PPM1A: variants seen among roughly 807,000 people sequenced by gnomAD.
The protein encoded by PPM1A is protein phosphatase 1A.
A neutral mutation model predicts 35.0 loss-of-function variants in PPM1A; 7 were observed. The ratio of observed to expected loss-of-function variants is 0.20; its 90% confidence interval spans 0.11 to 0.38. The LOEUF is 0.38. Among genes scored for constraint, PPM1A ranks in the 10% least tolerant of loss-of-function variants. PPM1A has a pLI of 1.00. For synonymous variants in PPM1A, 153 were observed against 167.3 expected, an observed-to-expected ratio of 0.91 and a Z score of 0.66; for missense variants, 239 against 467.8, an observed-to-expected ratio of 0.51 and a Z score of 4.51.
intron 1 of PPM1A, among the ~76,000 whole-genome samples, chr14:60,265,921 T>C (rs916321473): frequency 6.6e-6 from 1 of 152,216 alleles, no homozygotes; most frequent in African/African-American, 2.4e-5. Flanking sequence ...GACAATTCAA[T>C]TTCAACATGA....
At chr14:60,267,837 T>C (rs892352385) in intron 1 of PPM1A, among the ~76,000 whole-genome samples, 1 of 152,142 alleles carries the variant, frequency 6.6e-6, no homozygotes, top group African/African-American at 2.4e-5. Context: ...TGCATATATG[T>C]ATTCATATTC....
chr14:60,281,919 AT>A (rs551837671), intron 1 of PPM1A, among the ~76,000 whole-genome samples: 4 of 152,346 alleles, frequency 2.6e-5, no homozygotes, highest in African/African-American at 9.6e-5. Flanking sequence ...TAATTTTGTT[AT>A]ATATGTATAC....
chr14:60,258,308 G>A (rs1883367402), intron 1 of PPM1A, among the ~76,000 whole-genome samples: 2 of 152,058 alleles, frequency 1.3e-5, no homozygotes, highest in South Asian at 2.1e-4. Flanking sequence ...CCAGAAATTC[G>A]TTTGTGTCTG....
Position 60,289,419 on chromosome 14 carries a change from C to T in PPM1A, c.953-387C>T, listed in dbSNP as rs975767321. 6.6e-6 allele frequency among the ~76,000 whole-genome samples: 1 copy of T among 152,016 alleles called. No individual in the cohort carries two copies. The highest frequency in any genetic ancestry group is 1.9e-4 in the East Asian group (1 of 5,202). Reference sequence around the variant, plus strand: ...AAATTGTTTATTTTTTAAAATTCCACGCAGTGTATTATATAGGGCAAAGTT... The same window carrying T: ...AAATTGTTTATTTTTTAAAATTCCATGCAGTGTATTATATAGGGCAAAGTT... On this transcript the variant is annotated intron_variant, in intron 3 of 5. Transcript: ENST00000395076. The surrounding 1 kb of genome is among the most constrained non-coding windows in gnomAD (Gnocchi z 4.1).
At chr14:60,260,633 A>G (rs954899587) in intron 1 of PPM1A, among the ~76,000 whole-genome samples, 1 of 152,158 alleles carries the variant, frequency 6.6e-6, no homozygotes, top group Non-Finnish European at 1.5e-5. Flanking sequence ...TTAATTTTAG[A>G]ACATTTTCAT....
At chr14:60,246,628 A>C (rs984142788), upstream of PPM1A, among the ~76,000 whole-genome samples, 7 of 152,130 alleles carry the variant, frequency 4.6e-5, no homozygotes, top group African/African-American at 1.7e-4. Flanking sequence ...CTCTTTTTTC[A>C]ATGTTATTTT....
At chr14:60,270,324 T>A (rs1884933580) in intron 1 of PPM1A, among the ~76,000 whole-genome samples, 1 of 152,168 alleles carries the variant, frequency 6.6e-6, no homozygotes, top group African/African-American at 2.4e-5. Flanking sequence ...TTTCACAAAT[T>A]AGGTTTTTTA....
upstream of PPM1A, among the ~76,000 whole-genome samples, chr14:60,247,410 A>C (rs961210788): frequency 6.6e-6 from 1 of 152,100 alleles, no homozygotes; most frequent in Non-Finnish European, 1.5e-5. Flanking sequence ...AGGGTGGATC[A>C]CGAGGTCAGG....
rs182791740 is a variant in PPM1A at position 60,267,549 on chromosome 14, A to G, written c.-20-15135A>G. 4.8e-3 allele frequency among the ~76,000 whole-genome samples: 730 copies of G among 152,204 alleles called. 14 individuals carry two copies. The highest frequency in any genetic ancestry group is 0.017 in the African/African-American group (694 of 41,554). ...TAGTGCTGTCTTTGTCAAATTTTAT[A>G]GAAGGATTATGATAGGTTTGTAAAA... On this transcript the variant is annotated intron_variant, in intron 1 of 5. Coordinates refer to ENST00000395076, the MANE Select transcript of PPM1A (RefSeq NM_021003.5).
chr14:60,285,803 T>G, intron 3 of PPM1A, 62 bp downstream of exon 3: 23 of 1,584,544 alleles, frequency 1.5e-5, no homozygotes, highest in Non-Finnish European at 2.0e-5. Context: ...ACAATCAAAC[T>G]TTAACATTTT....
intron 1 of PPM1A, among the ~76,000 whole-genome samples, chr14:60,251,140 A>G (rs1229586872): frequency 6.6e-6 from 1 of 152,266 alleles, no homozygotes; most frequent in African/African-American, 2.4e-5. Context: ...CAGTCATGTA[A>G]GGATGATTAC....
intron 1 of PPM1A, among the ~76,000 whole-genome samples, chr14:60,278,550 T>TGG (rs1886028685): frequency 6.6e-6 from 1 of 152,196 alleles, no homozygotes; most frequent in African/African-American, 2.4e-5. Context: ...CCTGAAGCCA[T>TGG]CCTCTTTTCT....
chr14:60,249,459 C>T lies in PPM1A; in HGVS notation c.-239C>T, dbSNP rs1882050538. ...ACCCGCTCTCTGCCTCCCTCTCCAACGCCCGGATGATCTGAGCCGCGAGGG... is the reference window on the plus strand; with the variant it reads ...ACCCGCTCTCTGCCTCCCTCTCCAATGCCCGGATGATCTGAGCCGCGAGGG... On this transcript the variant is annotated 5_prime_UTR_variant, in exon 1 of 6. The change creates a new upstream start codon in the 5' untranslated region. Transcript: ENST00000395076. The surrounding 1 kb of genome is among the most constrained non-coding windows in gnomAD (Gnocchi z 4.5). The T allele has an allele frequency of 1.0e-6, 1 of 985,714 alleles. No homozygotes were observed. 61.1% of individuals were successfully genotyped at this position (985,714 alleles called of 1,614,324 possible).
At chr14:60,279,912 GTATT>G (rs1452631815) in intron 1 of PPM1A, among the ~76,000 whole-genome samples, 2 of 151,988 alleles carry the variant, frequency 1.3e-5, no homozygotes, top group Non-Finnish European at 2.9e-5. Context: ...ATTATATTGA[GTATT>G]TATAATTTGC....
intron 1 of PPM1A, among the ~76,000 whole-genome samples, chr14:60,264,489 A>G (rs1452559723): frequency 6.6e-6 from 1 of 152,212 alleles, no homozygotes; most frequent in African/African-American, 2.4e-5. Flanking sequence ...AGCCTTGCAT[A>G]TTATAACTGT....
intron 1 of PPM1A, among the ~76,000 whole-genome samples, chr14:60,254,069 G>T (rs947583004): frequency 2.0e-5 from 3 of 152,136 alleles, no homozygotes; most frequent in Admixed American, 6.5e-5. Context: ...CATGAAGAAA[G>T]TGCCAAATAA....
At chr14:60,248,680 A>C (rs1035411963), upstream of PPM1A, 2 of 152,360 alleles carry the variant, frequency 1.3e-5, no homozygotes, top group African/African-American at 4.8e-5. Context: ...GACGGCGCCC[A>C]AGAAGGGTGG....
At chr14:60,275,509 C>CA (rs1324997628) in intron 1 of PPM1A, among the ~76,000 whole-genome samples, 1 of 152,080 alleles carries the variant, frequency 6.6e-6, no homozygotes, top group Non-Finnish European at 1.5e-5. Flanking sequence ...TTTTTAGAGA[C>CA]AGAGTCTTAC....
At chr14:60,253,808 A>G (rs546849912) in intron 1 of PPM1A, among the ~76,000 whole-genome samples, 1 of 152,286 alleles carries the variant, frequency 6.6e-6, no homozygotes, top group Non-Finnish European at 1.5e-5. Flanking sequence ...ATCTAGGGAA[A>G]TGTTTCTGAA....
Sources: allele counts gnomAD v4.1 joint callset (sites outside exome capture counted in the v4.1 genomes callset), GRCh38; gene constraint gnomAD v4.1.1; non-coding constraint Gnocchi (gnomAD v3.1); transcripts MANE v1.5; gene names NCBI Gene and HGNC (gene_info 2026-07-23, HGNC 2026-07-21).